PDGFC: variants seen among roughly 807,000 people sequenced by gnomAD.
PDGFC encodes the protein platelet derived growth factor C, also known as platelet-derived growth factor C.
A neutral mutation model predicts 35.5 loss-of-function variants in PDGFC; 12 were observed. That is an observed-to-expected ratio of 0.34 (90% confidence interval 0.22 to 0.55). PDGFC has a LOEUF of 0.55. Among genes scored for constraint, PDGFC ranks in the 20% least tolerant of loss-of-function variants. The pLI is 0.91. For missense variants in PDGFC, 322 were observed against 412.4 expected (o/e 0.78, Z 1.90); for synonymous variants, 159 against 148.8 (o/e 1.07, Z -0.50).
At chr4:156,801,903 T>C (rs1731621921) in intron 3 of PDGFC, among the ~76,000 whole-genome samples, 1 of 152,224 alleles carries the variant, frequency 6.6e-6, no homozygotes, top group South Asian at 2.1e-4. Flanking sequence ...TGTTCCTAAG[T>C]AGACAGCGAC....
intron 1 of PDGFC, among the ~76,000 whole-genome samples, chr4:156,892,172 C>T (rs75541622): frequency 0.023 from 3,451 of 152,256 alleles, 61 homozygotes; most frequent in Non-Finnish European, 0.034. Context: ...ATAACACCTA[C>T]CTCATAAAAC....
intron 3 of PDGFC, among the ~76,000 whole-genome samples, chr4:156,783,751 C>T (rs1731042824): frequency 6.6e-6 from 1 of 152,086 alleles, no homozygotes; most frequent in South Asian, 2.1e-4. Flanking sequence ...ATATTTTGAT[C>T]TCCAATAGTA....
At chr4:156,860,672 G>A (rs1443447965) in intron 1 of PDGFC, among the ~76,000 whole-genome samples, 1 of 152,106 alleles carries the variant, frequency 6.6e-6, no homozygotes, top group Admixed American at 6.6e-5. Flanking sequence ...CTTTTCTCAA[G>A]TGTAGATATG....
At chr4:156,881,785 G>A (rs906399707) in intron 1 of PDGFC, among the ~76,000 whole-genome samples, 18 of 145,398 alleles carry the variant, frequency 1.2e-4, no homozygotes, top group Admixed American at 2.1e-4. Flanking sequence ...AGCCAAGATC[G>A]CACCACTGCA....
intron 3 of PDGFC, among the ~76,000 whole-genome samples, chr4:156,777,720 A>C (rs1730865698): frequency 6.6e-6 from 1 of 152,208 alleles, no homozygotes; most frequent in Non-Finnish European, 1.5e-5. Context: ...ACATGCCATC[A>C]ACTTCTCCAC....
At chr4:156,852,564 G>A (rs537409829) in intron 1 of PDGFC, among the ~76,000 whole-genome samples, 1 of 152,008 alleles carries the variant, frequency 6.6e-6, no homozygotes, top group African/African-American at 2.4e-5. Flanking sequence ...TTTATGATAG[G>A]TAGAATTCTA....
At chr4:156,918,951 T>C (rs1731212226) in intron 1 of PDGFC, among the ~76,000 whole-genome samples, 1 of 152,214 alleles carries the variant, frequency 6.6e-6, no homozygotes. Flanking sequence ...TGTACTATAA[T>C]AAAGCTAACG....
chr4:156,851,134 CA>C, intron 1 of PDGFC, among the ~76,000 whole-genome samples: 1 of 151,928 alleles, frequency 6.6e-6, no homozygotes, highest in South Asian at 2.1e-4. Flanking sequence ...CTGGGAAAAA[CA>C]AAAAAGGTAT....
At chr4:156,918,576 T>G (rs1731202710) in intron 1 of PDGFC, among the ~76,000 whole-genome samples, 2 of 152,262 alleles carry the variant, frequency 1.3e-5, no homozygotes, top group South Asian at 4.1e-4. Context: ...GTCAGATCAG[T>G]GGCAGCATTA....
intron 2 of PDGFC, among the ~76,000 whole-genome samples, chr4:156,837,330 G>A (rs946791330): frequency 3.9e-5 from 6 of 152,164 alleles, no homozygotes; most frequent in Non-Finnish European, 7.3e-5. Context: ...AGTGAGCCGA[G>A]ATTGTGCCAC....
intron 1 of PDGFC, among the ~76,000 whole-genome samples, chr4:156,926,666 C>G (rs912829055): frequency 6.6e-6 from 1 of 152,226 alleles, no homozygotes; most frequent in Non-Finnish European, 1.5e-5. Flanking sequence ...CACACTGATT[C>G]AAGAGGTAGG....
At chr4:156,850,781 T>C (rs1729434730) in intron 1 of PDGFC, among the ~76,000 whole-genome samples, 1 of 151,738 alleles carries the variant, frequency 6.6e-6, no homozygotes, top group Admixed American at 6.6e-5. Context: ...ATACACTAGA[T>C]ATAATTCTAT....
chr4:156,765,406 T>C (rs1400095932), intron 5 of PDGFC, among the ~76,000 whole-genome samples: 2 of 151,910 alleles, frequency 1.3e-5, no homozygotes, highest in East Asian at 1.9e-4. Flanking sequence ...GAGCCAGAGA[T>C]TGTGGAAGAT....
intron 1 of PDGFC, among the ~76,000 whole-genome samples, chr4:156,854,672 C>T (rs966587867): frequency 6.6e-6 from 1 of 152,024 alleles, no homozygotes; most frequent in African/African-American, 2.4e-5. Flanking sequence ...AGACACTGTG[C>T]TTATATTCTG....
intron 1 of PDGFC, among the ~76,000 whole-genome samples, chr4:156,915,033 T>C (rs1199100761): frequency 6.6e-6 from 1 of 152,032 alleles, no homozygotes; most frequent in Non-Finnish European, 1.5e-5. Flanking sequence ...ACCTACTGAA[T>C]ATGGTGGGAC....
At chr4:156,821,129 G>A (rs997575296) in intron 2 of PDGFC, among the ~76,000 whole-genome samples, 2 of 151,798 alleles carry the variant, frequency 1.3e-5, no homozygotes, top group Non-Finnish European at 1.5e-5. Flanking sequence ...AGTATATATA[G>A]TATGAAAGTT....
At chr4:156,818,529 T>TC (rs1208504935) in intron 2 of PDGFC, among the ~76,000 whole-genome samples, 1 of 147,092 alleles carries the variant, frequency 6.8e-6, no homozygotes, top group Non-Finnish European at 1.5e-5. Flanking sequence ...TTTTTTTTTT[T>TC]TTTTTTTTTG....
intron 1 of PDGFC, among the ~76,000 whole-genome samples, chr4:156,863,790 A>G (rs1729772274): frequency 6.6e-6 from 1 of 152,136 alleles, no homozygotes; most frequent in Middle Eastern, 3.2e-3. Context: ...AGAAGACAAG[A>G]GATCATTCCA....
chr4:156,826,262 G>A (rs528352076), intron 2 of PDGFC, among the ~76,000 whole-genome samples: 9 of 119,426 alleles, frequency 7.5e-5, no homozygotes, highest in South Asian at 5.8e-4. Flanking sequence ...GTGTGATCTC[G>A]GCTCACTGCA....
Sources: gnomAD v4.1 joint callset for allele counts (sites outside exome capture counted in the v4.1 genomes callset) on GRCh38, gnomAD v4.1.1 for gene constraint, MANE v1.5 for transcripts, NCBI Gene and HGNC (gene_info 2026-07-23, HGNC 2026-07-21) for gene names.